The following GRK5 variants were observed in gnomAD, a reference collection of about 807,000 sequenced individuals.
GRK5 encodes g protein-coupled receptor kinase GRK5.
GRK5 carries 40 observed loss-of-function variants against 78.4 expected under a neutral mutation model. The ratio of observed to expected loss-of-function variants is 0.51; its 90% CI spans 0.40 to 0.66. GRK5 has a LOEUF of 0.66. Ranked by LOEUF, GRK5 falls within the 30% of genes least tolerant of loss-of-function variation. GRK5 has a pLI of 0.00. For missense variants in GRK5, 598 were observed against 759.9 expected (o/e 0.79, Z 2.50); for synonymous variants, 289 against 296.8 (o/e 0.97, Z 0.27).
At chr10:119,269,143 A>G (rs1413893250) in intron 1 of GRK5, among the ~76,000 whole-genome samples, 1 of 152,246 alleles carries the variant, frequency 6.6e-6, no homozygotes, top group Non-Finnish European at 1.5e-5. Context: ...TAACAGAAAC[A>G]TAGAAACAAA....
At chr10:119,262,490 C>T (rs1158171378) in intron 1 of GRK5, among the ~76,000 whole-genome samples, 1 of 151,778 alleles carries the variant, frequency 6.6e-6, no homozygotes, top group African/African-American at 2.4e-5. Flanking sequence ...AGGTGTGCGC[C>T]ACCACACCCA....
chr10:119,411,231 A>C (rs1487397421), intron 4 of GRK5, among the ~76,000 whole-genome samples: 1 of 152,176 alleles, frequency 6.6e-6, no homozygotes, highest in Non-Finnish European at 1.5e-5. Flanking sequence ...CCAAAGAATT[A>C]AGGAGGTTGC....
intron 5 of GRK5, among the ~76,000 whole-genome samples, chr10:119,424,185 G>T (rs574472698): frequency 6.6e-6 from 1 of 152,164 alleles, no homozygotes; most frequent in African/African-American, 2.4e-5. Context: ...GTCTTGGTTG[G>T]TGACTCTGAC....
intron 1 of GRK5, among the ~76,000 whole-genome samples, chr10:119,297,242 A>G (rs1375312754): frequency 2.0e-5 from 3 of 152,218 alleles, no homozygotes; most frequent in Admixed American, 2.0e-4. Flanking sequence ...TGGTGAGAAA[A>G]TGAAATGTGA....
At position 119,440,371 on chromosome 10, in the gene GRK5, T is replaced by C. The variant is rs1233782815; in HGVS notation, c.967+603T>C. Among the ~76,000 whole-genome samples, 4 of 151,802 alleles carry C rather than the reference T, an allele frequency of 2.6e-5. No individual in the cohort carries two copies. In the East Asian group the frequency reaches 7.7e-4, roughly 29 times the overall value. ...GCTGTTTAGCCTCACACCTGGAAAA[T>C]AGTTCCTATACCTTCTTTTTTTTTT... On this transcript the variant is annotated intron_variant, in intron 10 of 15. Transcript: ENST00000392870.
At chr10:119,305,767 G>GT (rs1850263933) in intron 1 of GRK5, among the ~76,000 whole-genome samples, 6 of 152,200 alleles carry the variant, frequency 3.9e-5, no homozygotes, top group African/African-American at 1.4e-4. Context: ...CAGGAGAGTG[G>GT]ATGGAGGAAT....
At chr10:119,214,969 GCCTGGGCGGGT>G (rs1848546646) in intron 1 of GRK5, among the ~76,000 whole-genome samples, 2 of 152,268 alleles carry the variant, frequency 1.3e-5, no homozygotes, top group Non-Finnish European at 2.9e-5. Context: ...CAGGGCAGAG[GCCTGGGCGGGT>G]AGACGGGCTG....
chr10:119,257,045 T>G (rs946831732), intron 1 of GRK5, among the ~76,000 whole-genome samples: 6 of 152,264 alleles, frequency 3.9e-5, no homozygotes, highest in Non-Finnish European at 8.8e-5. Flanking sequence ...TCATCCATGT[T>G]GCAGCCTGCA....
At chr10:119,289,275 G>A (rs972396120) in intron 1 of GRK5, among the ~76,000 whole-genome samples, 1 of 152,164 alleles carries the variant, frequency 6.6e-6, no homozygotes, top group African/African-American at 2.4e-5. Flanking sequence ...GGCATGTTGA[G>A]GCTGCAGCTC....
At chr10:119,345,916 T>G (rs1851082225) in intron 2 of GRK5, among the ~76,000 whole-genome samples, 1 of 152,068 alleles carries the variant, frequency 6.6e-6, no homozygotes, top group Admixed American at 6.6e-5. Flanking sequence ...TTGGTACAGC[T>G]GCATCCTCTG....
chr10:119,401,205 G>T (rs1453454833), intron 4 of GRK5, among the ~76,000 whole-genome samples: 1 of 152,226 alleles, frequency 6.6e-6, no homozygotes, highest in Non-Finnish European at 1.5e-5. Context: ...TCTTAAAATT[G>T]CTGGAAGCCA....
At position 119,379,146 on chromosome 10, in the gene GRK5, A is replaced by G. The variant is rs1851672954; in HGVS notation, c.149-1669A>G. 6.6e-6 allele frequency among the ~76,000 whole-genome samples: 1 copy of G among 152,216 alleles called. No homozygotes were observed. Among genetic ancestry groups the G allele is most frequent in the South Asian group, 2.1e-4 (1 of 4,832 alleles). On this transcript the variant is annotated intron_variant, in intron 2 of 15. Coordinates refer to ENST00000392870, the MANE Select transcript of GRK5 (RefSeq NM_005308.3). This position sits in a 1 kb window ranked among gnomAD's most constrained non-coding sequence, Gnocchi z 4.1. ...AAATTATCACATCCATAACGATGAG[A>G]AATGGGGTTTATTAATGTGCCAGCA... is the stretch of plus-strand genomic sequence containing the variant.
rs202183698 is a variant in GRK5 at position 119,236,228 on chromosome 10, T to G, written c.52+28259T>G. Reference sequence around the variant, plus strand: ...ACCTACACACTATTTTTTTTTTCTTTTTTTTGAGACGGAGTCTCGCTGTCT... The same window carrying G: ...ACCTACACACTATTTTTTTTTTCTTGTTTTTGAGACGGAGTCTCGCTGTCT... On this transcript the variant is annotated intron_variant, in intron 1 of 15. Transcript: ENST00000392870. Among the ~76,000 whole-genome samples the G allele has an allele frequency of 6.6e-5, 10 of 152,298 alleles. No homozygotes were observed. The East Asian group carries it at 1.9e-3, about 29-fold the overall frequency.
chr10:119,222,957 C>T (rs1282673564), intron 1 of GRK5, among the ~76,000 whole-genome samples: 1 of 152,222 alleles, frequency 6.6e-6, no homozygotes, highest in Non-Finnish European at 1.5e-5. Flanking sequence ...TCCAGGGCAG[C>T]TCTGCAACTC....
chr10:119,410,084 T>C (rs1852310052), intron 4 of GRK5, among the ~76,000 whole-genome samples: 1 of 152,254 alleles, frequency 6.6e-6, no homozygotes, highest in Non-Finnish European at 1.5e-5. Context: ...CGTCATCTCC[T>C]GTTGCACACT....
chr10:119,350,331 C>A (rs1221289412), intron 2 of GRK5, among the ~76,000 whole-genome samples: 12 of 152,246 alleles, frequency 7.9e-5, no homozygotes, highest in African/African-American at 2.9e-4. Context: ...ACCTTCAAGT[C>A]TGAGTTGGCA....
intron 4 of GRK5, among the ~76,000 whole-genome samples, chr10:119,420,572 CTTTTT>C (rs534550170): frequency 2.1e-5 from 3 of 143,320 alleles, no homozygotes; most frequent in Non-Finnish European, 3.1e-5. Flanking sequence ...CTTTTTCTTT[CTTTTT>C]TTTTTTTCTT....
intron 1 of GRK5, 84 bp downstream of exon 1, chr10:119,208,053 GC>G (rs2133690462): frequency 7.5e-7 from 1 of 1,330,472 alleles, no homozygotes; most frequent in Non-Finnish European, 1.0e-6. Flanking sequence ...CTGGGGCTGC[GC>G]CCGTGCAGGA....
chr10:119,393,385 G>C (rs1211210299), intron 3 of GRK5, among the ~76,000 whole-genome samples: 1 of 152,224 alleles, frequency 6.6e-6, no homozygotes, highest in Non-Finnish European at 1.5e-5. Context: ...TTTAACGTGG[G>C]TTTTAGTACC....
Sources: gnomAD v4.1 joint callset for allele counts (sites outside exome capture counted in the v4.1 genomes callset) on GRCh38, gnomAD v4.1.1 for gene constraint, Gnocchi (gnomAD v3.1) non-coding constraint, MANE v1.5 for transcripts, NCBI Gene and HGNC (gene_info 2026-07-23, HGNC 2026-07-21) for gene names.